The following VGLL1 variants were observed in gnomAD, a reference collection of about 807,000 sequenced individuals.
The protein encoded by VGLL1 is transcription cofactor vestigial-like protein 1.
VGLL1 carries 4 observed loss-of-function variants against 12.0 expected under a neutral mutation model. The ratio of observed to expected loss-of-function variants is 0.33; its 90% CI spans 0.16 to 0.76. The LOEUF (loss-of-function observed/expected upper bound fraction) is 0.76. VGLL1 is among the 30% of genes least tolerant of loss of function. The pLI is 0.60. For synonymous variants in VGLL1, 87 were observed against 81.2 expected, an observed-to-expected ratio of 1.07 and a Z score of -0.39; for missense variants, 204 against 208.7, an observed-to-expected ratio of 0.98 and a Z score of 0.14.
chrX:136,534,469 T>C (rs2075834238), intron 1 of VGLL1, among the ~76,000 whole-genome samples: 1 of 112,815 alleles, frequency 8.9e-6, no homozygotes, highest in Admixed American at 9.4e-5. Context: ...TGCTGTTGTG[T>C]AGATTGGTAG....
chrX:136,533,418 T>C (rs951374430), intron 1 of VGLL1, among the ~76,000 whole-genome samples: 20 of 111,609 alleles, frequency 1.8e-4, no homozygotes. Context: ...GCCTGGGGCA[T>C]CTGTGGATTC....
intron 4 of VGLL1, among the ~76,000 whole-genome samples, chrX:136,554,378 GA>G (rs1367786343): frequency 7.9e-4 from 79 of 99,595 alleles, no homozygotes; most frequent in South Asian, 1.9e-3. Context: ...GTGAAGAATG[GA>G]AAAAAAAAAA....
At chrX:136,540,781 G>A (rs757294525) in intron 2 of VGLL1, among the ~76,000 whole-genome samples, 1 of 111,307 alleles carries the variant, frequency 9.0e-6, no homozygotes, top group Non-Finnish European at 1.9e-5. Context: ...ATCACAAGGT[G>A]TTGACCCTAC....
intron 4 of VGLL1, among the ~76,000 whole-genome samples, chrX:136,553,809 T>G (rs1426699792): frequency 8.9e-6 from 1 of 111,850 alleles, no homozygotes; most frequent in Non-Finnish European, 1.9e-5. Context: ...GTCATGCATC[T>G]ATGAAGCAGG....
rs147571113 is a variant in VGLL1 at position 136,535,991 on chromosome X, C to G, written c.-25-5C>G. On this transcript the variant is annotated splice_region_variant and splice_polypyrimidine_tract_variant and intron_variant, in intron 1 of 4. Transcript: ENST00000370634. ...TGCCAGTGACATTTTGCCTTTGGTC[C>G]ACAGCTGTCACCTGTGTCATTCACT... 13,845 of 1,191,578 alleles carry G rather than the reference C, an allele frequency of 0.012. 76 individuals carry two copies. Among genetic ancestry groups the G allele is most frequent in the African/African-American group, 0.042 (2,353 of 56,127 alleles).
Position 136,548,851 on chromosome X carries a change from C to G in VGLL1, c.477C>G (p.Pro159=). 8.3e-7 allele frequency: 1 copy of G among 1,212,064 alleles called. No homozygotes were observed. The highest frequency in any genetic ancestry group is 1.1e-6 in the Non-Finnish European group (1 of 895,586). Residue 159 remains proline (P), a synonymous_variant, in exon 3 of 5, where the codon CCC becomes CCG. Transcript: ENST00000370634. ...CCGCTCGGCACCTGGTTCCAGAGCCCCAGCCTGATGGGAAACGTGAGCCTC... is the reference window on the plus strand; with the variant it reads ...CCGCTCGGCACCTGGTTCCAGAGCCGCAGCCTGATGGGAAACGTGAGCCTC... ...PFPARHLVPE[P]QPDGKREPLL...
intron 2 of VGLL1, among the ~76,000 whole-genome samples, chrX:136,542,820 C>G (rs975149156): frequency 9.0e-6 from 1 of 111,696 alleles, no homozygotes. Flanking sequence ...TCTGACAATG[C>G]CCCAGCAAGA....
chrX:136,533,623 G>A (rs183273630), intron 1 of VGLL1, among the ~76,000 whole-genome samples: 266 of 112,008 alleles, frequency 2.4e-3, no homozygotes, highest in African/African-American at 8.4e-3. Context: ...GGCCCTTCCA[G>A]CAGCAGACAG....
At chrX:136,534,277 C>T (rs2075833868) in intron 1 of VGLL1, among the ~76,000 whole-genome samples, 1 of 112,468 alleles carries the variant, frequency 8.9e-6, no homozygotes, top group African/African-American at 3.2e-5. Context: ...CTTTCCAACA[C>T]CCCTGAGGGC....
rs771774920 is a variant in VGLL1 at position 136,541,114 on chromosome X, T to C, written c.214+4880T>C. Among the ~76,000 whole-genome samples the C allele has an allele frequency of 2.7e-5, 3 of 112,038 alleles. No individual in the cohort carries two copies. In the East Asian group the frequency reaches 8.4e-4, roughly 32 times the overall value. ...CACCAGGTTCACAGAGCAGCAGGCA[T>C]CTCCCATAAGCCTCCAGGTTTTCAG... On this transcript the variant is annotated intron_variant, in intron 2 of 4. Coordinates refer to ENST00000370634, the MANE Select transcript of VGLL1 (RefSeq NM_016267.4).
chrX:136,550,643 G>C, intron 3 of VGLL1, 125 bp from the exon 4 acceptor site: 2 of 457,964 alleles, frequency 4.4e-6, no homozygotes, highest in Non-Finnish European at 7.6e-6. Flanking sequence ...TCTGATATGA[G>C]AGAATATGCT....
chrX:136,543,600 A>C (rs187859347), intron 2 of VGLL1, among the ~76,000 whole-genome samples: 1 of 110,811 alleles, frequency 9.0e-6, no homozygotes, highest in Non-Finnish European at 1.9e-5. Flanking sequence ...CTACAAAAAT[A>C]TTTAAAAATT....
At chrX:136,548,455 A>C in intron 2 of VGLL1, 134 bp from the exon 3 acceptor site, 1 of 671,856 alleles carries the variant, frequency 1.5e-6, no homozygotes, top group Non-Finnish European at 2.2e-6. Context: ...GGATATTATC[A>C]TTAGGATGAT....
intron 4 of VGLL1, among the ~76,000 whole-genome samples, chrX:136,552,805 A>G (rs2075890068): frequency 8.9e-6 from 1 of 111,936 alleles, no homozygotes; most frequent in Non-Finnish European, 1.9e-5. Context: ...ATCAGAAACA[A>G]TTCCAAGTTA....
intron 4 of VGLL1, 75 bp downstream of exon 4, chrX:136,550,896 T>TCCAGTAGTAGACAG: frequency 3.1e-6 from 3 of 953,875 alleles, no homozygotes; most frequent in East Asian, 3.1e-5. Context: ...GGCTTCTGTC[T>TCCAGTAGTAGACAG]ACTACTGGAG....
chrX:136,555,409 A>G, intron 4 of VGLL1, among the ~76,000 whole-genome samples: 1 of 112,064 alleles, frequency 8.9e-6, no homozygotes, highest in Middle Eastern at 4.6e-3. Flanking sequence ...AATGATAAAG[A>G]GAAAAAAGAT....
chrX:136,532,578 TTTCTTTCTTTC>T (rs2075825720), intron 1 of VGLL1, among the ~76,000 whole-genome samples: 2 of 5,722 alleles, frequency 3.5e-4, no homozygotes, highest in African/African-American at 1.4e-3. Flanking sequence ...CAAATATTTC[TTTCTTTCTTTC>T]TTTCTTTCTT....
At position 136,548,986 on chromosome X, in the gene VGLL1, C is replaced by T. The variant is rs1222486194; in HGVS notation, c.612C>T (p.Asn204=). ...CTGGAAGCACAGGGTTGCTCTTCAA[C>T]CTGCCTCCCGGCTCAGTTCACTGTA... ...QIAGSTGLLF[N]LPPGSVHYKK... is the part of the protein sequence containing the mutation. Residue 204 remains asparagine, a synonymous_variant, in exon 3 of 5, where the codon AAC becomes AAT. Transcript: ENST00000370634. 1.7e-6 allele frequency: 2 copies of T among 1,208,449 alleles called. No individual in the cohort carries two copies. The highest frequency in any genetic ancestry group is 2.2e-6 in the Non-Finnish European group (2 of 894,123).
intron 2 of VGLL1, among the ~76,000 whole-genome samples, chrX:136,547,525 C>T (rs1225374650): frequency 8.9e-6 from 1 of 112,072 alleles, no homozygotes; most frequent in Non-Finnish European, 1.9e-5. Context: ...ACTTATCGTT[C>T]CAGCTCACTT....
Sources: gnomAD v4.1 joint callset for allele counts (sites outside exome capture counted in the v4.1 genomes callset) on GRCh38, gnomAD v4.1.1 for gene constraint, MANE v1.5 for transcripts, NCBI Gene and HGNC (gene_info 2026-07-23, HGNC 2026-07-21) for gene names.